PTPRT: variants seen among roughly 807,000 people sequenced by gnomAD.
PTPRT encodes receptor-type tyrosine-protein phosphatase T.
A neutral mutation model predicts 176.8 loss-of-function variants in PTPRT; 56 were observed. The observed-to-expected ratio is 0.32, with a 90% CI of 0.26 to 0.40. PTPRT has a LOEUF of 0.40. Among genes scored for constraint, PTPRT ranks in the 10% least tolerant of loss-of-function variants. The pLI, the probability that PTPRT is intolerant of heterozygous loss-of-function variation, is 1.00. For synonymous variants in PTPRT, 783 were observed against 739.0 expected (o/e 1.06, Z -0.96); for missense variants, 1,540 against 1,908.2 (o/e 0.81, Z 3.60).
chr20:42,676,755 T>G (rs1370412223), intron 7 of PTPRT, among the ~76,000 whole-genome samples: 1 of 152,212 alleles, frequency 6.6e-6, no homozygotes, highest in Non-Finnish European at 1.5e-5. Context: ...AAAAAAGATA[T>G]AACATAAATA....
At chr20:42,332,648 T>C (rs561429741) in intron 11 of PTPRT, among the ~76,000 whole-genome samples, 1 of 152,332 alleles carries the variant, frequency 6.6e-6, no homozygotes, top group African/African-American at 2.4e-5. Context: ...AAACATTTTT[T>C]TTTTTTGAGA....
intron 1 of PTPRT, among the ~76,000 whole-genome samples, chr20:42,932,402 T>C (rs746908080): frequency 3.5e-4 from 53 of 152,190 alleles, no homozygotes; most frequent in Non-Finnish European, 5.7e-4. Context: ...GGCCGGTGCT[T>C]ATCAAGGACA....
At chr20:43,032,406 CA>C (rs1251657895) in intron 1 of PTPRT, among the ~76,000 whole-genome samples, 2 of 144,934 alleles carry the variant, frequency 1.4e-5, no homozygotes, top group African/African-American at 5.2e-5. Flanking sequence ...CCTGGGGGAG[CA>C]AAAGAGCCTC....
In PTPRT at chr20:42,451,708, G is replaced by A. The variant is rs956239593; in HGVS notation, c.1451-3379C>T. On this transcript the variant is annotated intron_variant, in intron 8 of 30. Transcript: ENST00000373187. Reference sequence around the variant, plus strand: ...CAGTCACAAATATGGCTGAGTAGTCGAGTAAGATGTGGCTTTAAACTTGCC... The same window carrying A: ...CAGTCACAAATATGGCTGAGTAGTCAAGTAAGATGTGGCTTTAAACTTGCC... 4.6e-5 allele frequency among the ~76,000 whole-genome samples: 7 copies of A among 152,094 alleles called. No individual in the cohort carries two copies. The South Asian group carries it at 6.2e-4, about 14-fold the overall frequency.
At chr20:42,321,346 C>A (rs1227603123) in intron 11 of PTPRT, among the ~76,000 whole-genome samples, 2 of 152,176 alleles carry the variant, frequency 1.3e-5, no homozygotes, top group African/African-American at 4.8e-5. Flanking sequence ...AGGGGTAGGA[C>A]CCTAGCATCA....
At chr20:42,171,160 T>G (rs1305826882) in intron 16 of PTPRT, among the ~76,000 whole-genome samples, 1 of 152,172 alleles carries the variant, frequency 6.6e-6, no homozygotes, top group Non-Finnish European at 1.5e-5. Context: ...GAATAAGAAG[T>G]TATGTTGGCT....
At chr20:42,104,803 T>G in intron 24 of PTPRT, 85 bp from the exon 25 acceptor site, 1 of 1,375,014 alleles carries the variant, frequency 7.3e-7, no homozygotes, top group Non-Finnish European at 1.0e-6. Context: ...GTTGTGGCTA[T>G]GAAGAATAGA....
intron 7 of PTPRT, among the ~76,000 whole-genome samples, chr20:42,478,638 C>T (rs6065491): frequency 6.6e-6 from 1 of 152,064 alleles, no homozygotes; most frequent in Non-Finnish European, 1.5e-5. Flanking sequence ...CCAACAAATC[C>T]TCATTCAATA....
intron 11 of PTPRT, among the ~76,000 whole-genome samples, chr20:42,318,018 C>G (rs1478748081): frequency 6.6e-6 from 1 of 152,176 alleles, no homozygotes; most frequent in African/African-American, 2.4e-5. Flanking sequence ...GGGCATCTAA[C>G]TCCAAATGAG....
At chr20:43,100,331 C>T (rs1377172389) in intron 1 of PTPRT, among the ~76,000 whole-genome samples, 1 of 152,044 alleles carries the variant, frequency 6.6e-6, no homozygotes, top group Admixed American at 6.5e-5. Context: ...GAGCTAAGAT[C>T]GCGCCACTAC....
At chr20:42,222,997 C>A (rs1422075844) in intron 15 of PTPRT, among the ~76,000 whole-genome samples, 2 of 152,034 alleles carry the variant, frequency 1.3e-5, no homozygotes, top group African/African-American at 4.8e-5. Flanking sequence ...TGTAGGACAC[C>A]CAGCTGGTGT....
At chr20:42,656,110 T>C (rs2425504) in intron 7 of PTPRT, among the ~76,000 whole-genome samples, 125,628 of 152,090 alleles carry the variant, frequency 0.83, 52,182 homozygotes, top group East Asian at 0.93. Flanking sequence ...GACATGCAGC[T>C]CACAGGGAGG....
Position 42,081,866 on chromosome 20 carries a change from T to A in PTPRT, c.4272+16A>T, listed in dbSNP as rs752260836. On this transcript the variant is annotated intron_variant, in intron 30 of 30. Coordinates refer to ENST00000373187, the MANE Select transcript of PTPRT (RefSeq NM_007050.6). Reference sequence around the variant, plus strand: ...GTCAGCCCTGGCTGTTGGAGAACAGTCCTTGGGATACTCACCAGGGTCTCC... The same window carrying A: ...GTCAGCCCTGGCTGTTGGAGAACAGACCTTGGGATACTCACCAGGGTCTCC... 1.5e-5 allele frequency: 25 copies of A among 1,614,028 alleles called. No homozygotes were observed. Among genetic ancestry groups the A allele is most frequent in the Middle Eastern group, 3.3e-4 (2 of 6,082 alleles).
chr20:43,092,817 G>A (rs540092467), intron 1 of PTPRT, among the ~76,000 whole-genome samples: 7 of 152,170 alleles, frequency 4.6e-5, no homozygotes, highest in Non-Finnish European at 1.0e-4. Context: ...ATAGACATGA[G>A]ACTGACGAGA....
chr20:42,924,765 G>T (rs1283185434), intron 1 of PTPRT, among the ~76,000 whole-genome samples: 2 of 152,234 alleles, frequency 1.3e-5, no homozygotes, highest in Admixed American at 1.3e-4. Flanking sequence ...GCAAAGGTGA[G>T]TGGAGATTTG....
chr20:43,009,044 T>C (rs1268602146), intron 1 of PTPRT, among the ~76,000 whole-genome samples: 1 of 152,162 alleles, frequency 6.6e-6, no homozygotes, highest in Admixed American at 6.5e-5. Context: ...CTTGTTCAGC[T>C]AATGATCCTG....
At chr20:42,546,487 AAAC>A (rs1279456668) in intron 7 of PTPRT, among the ~76,000 whole-genome samples, 3 of 151,962 alleles carry the variant, frequency 2.0e-5, no homozygotes, top group Non-Finnish European at 4.4e-5. Context: ...AAGAAAAAAA[AAAC>A]AAGAAAGAAA....
At position 42,671,008 on chromosome 20, in the gene PTPRT, A is replaced by T. The variant is rs1019681626; in HGVS notation, c.1153+6858T>A. 2.5e-4 allele frequency among the ~76,000 whole-genome samples: 38 copies of T among 152,108 alleles called. 1 individual carries two copies. The highest frequency in any genetic ancestry group is 1.3e-4 in the Admixed American group (2 of 15,280). On this transcript the variant is annotated intron_variant, in intron 7 of 30. Coordinates refer to ENST00000373187, the MANE Select transcript of PTPRT (RefSeq NM_007050.6). ...AAGAGCTTCTTCTATCTAATGCTAG[A>T]TGATAGTCTTAAGACACCAACAAGC...
At chr20:42,362,978 C>T (rs755395036) in intron 9 of PTPRT, among the ~76,000 whole-genome samples, 45 of 150,908 alleles carry the variant, frequency 3.0e-4, no homozygotes, top group Non-Finnish European at 4.0e-4. Context: ...TGGTGGCGGG[C>T]GCGGGTAATC....
Sources: allele counts gnomAD v4.1 joint callset (sites outside exome capture counted in the v4.1 genomes callset), GRCh38; gene constraint gnomAD v4.1.1; transcripts MANE v1.5; gene names NCBI Gene and HGNC (gene_info 2026-07-23, HGNC 2026-07-21).